The following AGBL4 variants were observed in gnomAD, a reference collection of about 807,000 sequenced individuals.
The protein encoded by AGBL4 is cytosolic carboxypeptidase 6.
Under a neutral mutation model 66.4 loss-of-function variants are expected in AGBL4, and 58 were observed. The ratio of observed to expected loss-of-function variants is 0.87; its 90% CI spans 0.71 to 1.09. The LOEUF (loss-of-function observed/expected upper bound fraction) is 1.09, where lower values mean the gene tolerates loss of function less well. AGBL4 is among the 50% of genes least tolerant of loss of function. The pLI, the probability that AGBL4 is intolerant of heterozygous loss-of-function variation, is 0.00. For missense variants in AGBL4, 579 were observed against 631.0 expected, an observed-to-expected ratio of 0.92 and a Z score of 0.88; for synonymous variants, 234 against 222.9, an observed-to-expected ratio of 1.05 and a Z score of -0.44.
At chr1:48,799,134 C>G (rs1247810534) in intron 6 of AGBL4, among the ~76,000 whole-genome samples, 9 of 152,198 alleles carry the variant, frequency 5.9e-5, no homozygotes, top group Non-Finnish European at 1.2e-4. Flanking sequence ...AATAGTGATT[C>G]TACCCATCCA....
At chr1:49,028,055 T>A (rs1262181853) in intron 5 of AGBL4, among the ~76,000 whole-genome samples, 2 of 152,172 alleles carry the variant, frequency 1.3e-5, no homozygotes, top group Admixed American at 6.5e-5. Context: ...ATTGAGTTCA[T>A]TTGGAACAGC....
chr1:49,017,994 T>C (rs763191399), intron 5 of AGBL4, among the ~76,000 whole-genome samples: 1 of 152,194 alleles, frequency 6.6e-6, no homozygotes, highest in Non-Finnish European at 1.5e-5. Context: ...GTCATAGGCC[T>C]GGTCTCTTCC....
At chr1:49,306,969 G>T (rs921601779) in intron 3 of AGBL4, among the ~76,000 whole-genome samples, 2 of 152,150 alleles carry the variant, frequency 1.3e-5, no homozygotes, top group African/African-American at 2.4e-5. Context: ...AGGGCAGGAT[G>T]AACTCAGCTC....
chr1:49,633,963 C>T (rs1470452944), intron 3 of AGBL4, among the ~76,000 whole-genome samples: 3 of 145,524 alleles, frequency 2.1e-5, no homozygotes, highest in African/African-American at 7.6e-5. Context: ...AATTTTTTTT[C>T]ATAATATTTT....
chr1:49,916,493 G>C (rs891720608), intron 1 of AGBL4, among the ~76,000 whole-genome samples: 7 of 152,154 alleles, frequency 4.6e-5, no homozygotes, highest in Non-Finnish European at 1.0e-4. Context: ...AGTGATTGAA[G>C]ATCAAATGAA....
chr1:48,715,475 C>A (rs1426163731), intron 6 of AGBL4, among the ~76,000 whole-genome samples: 2 of 152,184 alleles, frequency 1.3e-5, no homozygotes, highest in Non-Finnish European at 2.9e-5. Flanking sequence ...CTGCCCTGTG[C>A]CCACGAGCTC....
At chr1:49,669,321 T>G (rs1410450065) in intron 3 of AGBL4, among the ~76,000 whole-genome samples, 2 of 152,056 alleles carry the variant, frequency 1.3e-5, no homozygotes, top group Non-Finnish European at 2.9e-5. Context: ...GGATCCTGTA[T>G]GTTATTTTGA....
intron 2 of AGBL4, among the ~76,000 whole-genome samples, chr1:49,783,441 A>T (rs1404669549): frequency 6.6e-6 from 1 of 152,220 alleles, no homozygotes; most frequent in Non-Finnish European, 1.5e-5. Context: ...CAATAGATGC[A>T]TAAAAAGTAT....
intron 4 of AGBL4, among the ~76,000 whole-genome samples, chr1:49,199,562 G>T (rs1345705868): frequency 6.6e-6 from 1 of 152,178 alleles, no homozygotes; most frequent in Non-Finnish European, 1.5e-5. Flanking sequence ...TTACTGGGAA[G>T]ATCTCATTTT....
chr1:49,911,171 T>C (rs1211665963), intron 1 of AGBL4, among the ~76,000 whole-genome samples: 2 of 152,104 alleles, frequency 1.3e-5, no homozygotes, highest in Non-Finnish European at 2.9e-5. Flanking sequence ...GTGGATGGAA[T>C]GTGGGAGTGG....
chr1:49,672,983 A>G (rs1326405327), intron 3 of AGBL4, among the ~76,000 whole-genome samples: 4 of 151,750 alleles, frequency 2.6e-5, no homozygotes, highest in Non-Finnish European at 5.9e-5. Flanking sequence ...TTAGCCCAAA[A>G]CTAACAAAGA....
At chr1:49,849,486 C>CAA (rs1646252342) in intron 2 of AGBL4, among the ~76,000 whole-genome samples, 1 of 145,458 alleles carries the variant, frequency 6.9e-6, no homozygotes, top group African/African-American at 2.6e-5. Context: ...CATACACACA[C>CAA]ACACACACAC....
chr1:49,355,973 CA>C lies in AGBL4; in HGVS notation c.283-110110del, dbSNP rs1211128318. ...AGTGTGCACTCCCTCCTCAAAAAGC[CA>C]ATTCTTTCTTAGGGGAGAGTCTTTA... On this transcript the variant is annotated intron_variant, in intron 3 of 13. Coordinates refer to ENST00000371839, the MANE Select transcript of AGBL4 (RefSeq NM_032785.4). 2.0e-5 allele frequency among the ~76,000 whole-genome samples: 3 copies of C among 152,102 alleles called. No individual in the cohort carries two copies. In the East Asian group the frequency reaches 5.8e-4, roughly 29 times the overall value.
intron 3 of AGBL4, among the ~76,000 whole-genome samples, chr1:49,393,669 C>T (rs1450620811): frequency 6.6e-6 from 1 of 152,138 alleles, no homozygotes; most frequent in Non-Finnish European, 1.5e-5. Context: ...AGCAAGTTCA[C>T]AGAGGTGATT....
chr1:49,238,866 A>G (rs1409563565), intron 4 of AGBL4, among the ~76,000 whole-genome samples: 3 of 152,164 alleles, frequency 2.0e-5, no homozygotes, highest in East Asian at 3.9e-4. Context: ...TTTGGCATAC[A>G]TGTGGCAAAA....
chr1:49,851,368 T>C, intron 2 of AGBL4, 28 bp downstream of exon 2: 1 of 1,521,706 alleles, frequency 6.6e-7, no homozygotes, highest in Non-Finnish European at 8.8e-7. Flanking sequence ...CAGACAAACT[T>C]AAAAGGAAAA....
intron 4 of AGBL4, among the ~76,000 whole-genome samples, chr1:49,226,602 C>T (rs1649929863): frequency 6.6e-6 from 1 of 152,052 alleles, no homozygotes; most frequent in Admixed American, 6.6e-5. Context: ...AAATTTCTTT[C>T]CCTCACCTCA....
chr1:50,009,821 A>G (rs1249355504), intron 1 of AGBL4, among the ~76,000 whole-genome samples: 1 of 152,220 alleles, frequency 6.6e-6, no homozygotes, highest in Admixed American at 6.5e-5. Flanking sequence ...CAAAATCCAC[A>G]TACAAATATC....
rs145847365 is a variant in AGBL4, at chr1:49,995,392, G to A, written c.34+28371C>T. ...CACTGCGGCCTTTCCCACTTCCCTGGCCACCTGTATGATGCAGAAGAGGCA... is the reference window on the plus strand; with the variant it reads ...CACTGCGGCCTTTCCCACTTCCCTGACCACCTGTATGATGCAGAAGAGGCA... On this transcript the variant is annotated intron_variant, in intron 1 of 13. Transcript: ENST00000371839. The A allele has an allele frequency of 2.6e-3, 1,103 of 426,316 alleles. 10 individuals are homozygous for A. Among genetic ancestry groups the A allele is most frequent in the African/African-American group, 0.021 (1,037 of 49,464 alleles). The allele number at this position is 426,316 out of a possible 1,614,324, so 26.4% of individuals were successfully genotyped here. A position where few individuals can be genotyped will look rare whatever the true frequency, so the allele number is the denominator to read the frequency against.
Sources: allele counts gnomAD v4.1 joint callset (sites outside exome capture counted in the v4.1 genomes callset), GRCh38; gene constraint gnomAD v4.1.1; transcripts MANE v1.5; gene names NCBI Gene and HGNC (gene_info 2026-07-23, HGNC 2026-07-21).